Variants in CCBE1 observed in about 807,000 individuals in gnomAD.
The protein encoded by CCBE1 is collagen and calcium-binding EGF domain-containing protein 1.
A neutral mutation model predicts 50.0 loss-of-function variants in CCBE1; 37 were observed. The ratio of observed to expected loss-of-function variants is 0.74; its 90% confidence interval spans 0.57 to 0.97. The LOEUF (loss-of-function observed/expected upper bound fraction) is 0.97. Ranked by LOEUF, CCBE1 falls within the 50% of genes least tolerant of loss-of-function variation. The pLI, the probability that CCBE1 is intolerant of heterozygous loss-of-function variation, is 0.00. For missense variants in CCBE1, 538 were observed against 523.8 expected (o/e 1.03, Z -0.26); for synonymous variants, 234 against 203.7 (o/e 1.15, Z -1.27).
chr18:59,548,064 G>A (rs894091560), intron 2 of CCBE1, among the ~76,000 whole-genome samples: 7 of 152,228 alleles, frequency 4.6e-5, no homozygotes, highest in East Asian at 1.9e-4. Flanking sequence ...GTGCCATCAC[G>A]TGATGTGAAC....
At chr18:59,507,885 C>T (rs1335894118) in intron 2 of CCBE1, among the ~76,000 whole-genome samples, 4 of 149,196 alleles carry the variant, frequency 2.7e-5, no homozygotes, top group Non-Finnish European at 4.4e-5. Flanking sequence ...GGTTTTTTTC[C>T]TCTTTCTTTT....
chr18:59,481,349 G>C (rs995550910), intron 2 of CCBE1, among the ~76,000 whole-genome samples: 4 of 152,140 alleles, frequency 2.6e-5, no homozygotes, highest in Admixed American at 2.6e-4. Context: ...AGAGTCTAAG[G>C]TCTGGTACTT....
chr18:59,547,280 G>T (rs907106271), intron 2 of CCBE1, among the ~76,000 whole-genome samples: 2 of 152,076 alleles, frequency 1.3e-5, no homozygotes, highest in Non-Finnish European at 2.9e-5. Context: ...GAGCAGGGAG[G>T]TGGAAAAAAT....
At chr18:59,443,099 T>A (rs573932689) in intron 7 of CCBE1, among the ~76,000 whole-genome samples, 50 of 152,356 alleles carry the variant, frequency 3.3e-4, no homozygotes, top group Non-Finnish European at 4.7e-4. Context: ...AATGGTTGTT[T>A]GCATGTGTGC....
At chr18:59,493,374 A>G (rs1435610647) in intron 2 of CCBE1, among the ~76,000 whole-genome samples, 2 of 152,184 alleles carry the variant, frequency 1.3e-5, no homozygotes, top group Non-Finnish European at 2.9e-5. Flanking sequence ...TACAGATGAG[A>G]GGAGGAACCT....
At chr18:59,617,411 C>T (rs560071103) in intron 2 of CCBE1, among the ~76,000 whole-genome samples, 63 of 152,202 alleles carry the variant, frequency 4.1e-4, no homozygotes, top group Non-Finnish European at 7.3e-4. Context: ...GCCCAGCCTA[C>T]GGCAAAGCCA....
intron 2 of CCBE1, among the ~76,000 whole-genome samples, chr18:59,495,446 G>C (rs1913308329): frequency 6.9e-6 from 1 of 145,024 alleles, no homozygotes; most frequent in South Asian, 2.3e-4. Flanking sequence ...ATAGGAAAGT[G>C]ATTTGTTCAG....
rs115315006 is a variant in CCBE1 at position 59,545,183 on chromosome 18, C to T, written c.213-64945G>A. Among the ~76,000 whole-genome samples, 240 of 152,294 alleles carry T rather than the reference C, an allele frequency of 1.6e-3. 1 individual carries two copies. The highest frequency in any genetic ancestry group is 5.0e-3 in the African/African-American group (206 of 41,552). On this transcript the variant is annotated intron_variant, in intron 2 of 10. Transcript: ENST00000439986. ...ACGGACCTTCCTGGACTCTCTTATA[C>T]GGTATCTCGCTGTAAATATATGCAT...
chr18:59,473,505 C>T (rs1912135869), intron 3 of CCBE1, among the ~76,000 whole-genome samples: 2 of 152,136 alleles, frequency 1.3e-5, no homozygotes. Flanking sequence ...TAAGAACTTA[C>T]TCCCTCTGTG....
At chr18:59,492,063 T>G (rs1362748816) in intron 2 of CCBE1, among the ~76,000 whole-genome samples, 1 of 149,952 alleles carries the variant, frequency 6.7e-6, no homozygotes, top group Non-Finnish European at 1.5e-5. Context: ...TACAATCATT[T>G]GAACCTGGAA....
chr18:59,485,847 C>T lies in CCBE1; in HGVS notation c.213-5609G>A, dbSNP rs565715728. Among the ~76,000 whole-genome samples, 65 of 151,656 alleles carry T rather than the reference C, an allele frequency of 4.3e-4. 1 individual carries two copies. Among genetic ancestry groups the T allele is most frequent in the Non-Finnish European group, 7.4e-4 (50 of 67,950 alleles). On this transcript the variant is annotated intron_variant, in intron 2 of 10. Transcript: ENST00000439986. ...AACTCCTGACCTCAGGTGATCCGCC[C>T]GCCTCGGCCTCCCAAAGTGCTAGGA...
intron 2 of CCBE1, among the ~76,000 whole-genome samples, chr18:59,537,253 G>A (rs2144369934): frequency 6.6e-6 from 1 of 152,212 alleles, no homozygotes; most frequent in African/African-American, 2.4e-5. Context: ...CATATTTACA[G>A]TCTCTGTAGA....
intron 5 of CCBE1, chr18:59,462,438 T>G (rs968032983): frequency 2.0e-5 from 3 of 151,956 alleles, no homozygotes; most frequent in African/African-American, 7.3e-5. Context: ...CAGGGTGGAG[T>G]GCAGTGGTGC....
chr18:59,570,170 T>C (rs1275364161), intron 2 of CCBE1, among the ~76,000 whole-genome samples: 1 of 152,174 alleles, frequency 6.6e-6, no homozygotes, highest in African/African-American at 2.4e-5. Flanking sequence ...GGATCTAGCC[T>C]GGGAGAGGGA....
At chr18:59,534,082 C>G (rs569281841) in intron 2 of CCBE1, among the ~76,000 whole-genome samples, 1 of 149,054 alleles carries the variant, frequency 6.7e-6, no homozygotes, top group Admixed American at 6.8e-5. Context: ...TGTTCGATTC[C>G]GCCTTAGTGA....
chr18:59,456,121 G>T (rs1235136753), intron 5 of CCBE1, among the ~76,000 whole-genome samples: 2 of 152,148 alleles, frequency 1.3e-5, no homozygotes, highest in Non-Finnish European at 2.9e-5. Flanking sequence ...AAATCAGGCA[G>T]CATTTACCGT....
chr18:59,549,597 C>G (rs954241776), intron 2 of CCBE1, among the ~76,000 whole-genome samples: 1 of 152,174 alleles, frequency 6.6e-6, no homozygotes, highest in African/African-American at 2.4e-5. Flanking sequence ...GTCCCACTGA[C>G]TTCTGTTAAT....
Position 59,574,222 on chromosome 18 carries a change from G to A in CCBE1, c.213-93984C>T, listed in dbSNP as rs2052957538. ...TTCACTGAGTCTAGATTAGACCACA[G>A]TGATTCTGAAACTGACCACAGTGCA... On this transcript the variant is annotated intron_variant, in intron 2 of 10. Transcript: ENST00000439986. Among the ~76,000 whole-genome samples, 3 of 152,238 alleles carry A rather than the reference G, an allele frequency of 2.0e-5. No individual in the cohort carries two copies. The South Asian group carries it at 6.2e-4, about 31-fold the overall frequency.
chr18:59,580,908 C>T (rs1039660645), intron 2 of CCBE1, among the ~76,000 whole-genome samples: 5 of 152,160 alleles, frequency 3.3e-5, no homozygotes, highest in Non-Finnish European at 5.9e-5. Context: ...GACTTTAATC[C>T]ACCTCTGTGT....
Sources: gnomAD v4.1 joint callset for allele counts (sites outside exome capture counted in the v4.1 genomes callset) on GRCh38, gnomAD v4.1.1 for gene constraint, MANE v1.5 for transcripts, NCBI Gene and HGNC (gene_info 2026-07-23, HGNC 2026-07-21) for gene names.